Variants in DLC1 observed in about 807,000 individuals in gnomAD.
The protein encoded by DLC1 is DLC1 Rho GTPase activating protein.
Under a neutral mutation model 140.3 loss-of-function variants are expected in DLC1, and 54 were observed. The observed-to-expected ratio is 0.38, with a 90% confidence interval of 0.31 to 0.48. The LOEUF is 0.48. Ranked by LOEUF, DLC1 falls within the 20% of genes least tolerant of loss-of-function variation. The probability of loss-of-function intolerance (pLI) is 0.96; values close to 1 mark genes in which losing one functional copy is unlikely to be tolerated. For missense variants in DLC1, 2,536 were observed against 1,907.0 expected (o/e 1.33, Z -6.14); for synonymous variants, 986 against 728.1 (o/e 1.35, Z -5.70).
intron 5 of DLC1, among the ~76,000 whole-genome samples, chr8:13,282,361 A>G (rs1831392776): frequency 6.6e-6 from 1 of 152,214 alleles, no homozygotes; most frequent in Non-Finnish European, 1.5e-5. Flanking sequence ...TGGAAAAAGG[A>G]AAGAGGATGT....
intron 1 of DLC1, among the ~76,000 whole-genome samples, chr8:13,512,025 T>A (rs963300043): frequency 7.9e-5 from 12 of 152,218 alleles, no homozygotes; most frequent in Non-Finnish European, 1.3e-4. Flanking sequence ...TTCTTTTTTT[T>A]AAATTATAAT....
rs1039006183 is a variant in DLC1, at chr8:13,083,967, G to T, written c.*1844C>A. 6.6e-6 allele frequency: 1 copy of T among 152,512 alleles called. No individual in the cohort carries two copies. The highest frequency in any genetic ancestry group is 1.9e-4 in the East Asian group (1 of 5,190). 9.4% of individuals were successfully genotyped at this position (152,512 alleles called of 1,614,324 possible). Reference sequence around the variant, plus strand: ...ATAGTGCACTTATTGATTATAATCTGTACAGATATAGAGCAAGTTATAAAC... The same window carrying T: ...ATAGTGCACTTATTGATTATAATCTTTACAGATATAGAGCAAGTTATAAAC... On this transcript the variant is annotated 3_prime_UTR_variant, in exon 18 of 18. Transcript: ENST00000276297.
At chr8:13,230,786 G>A (rs1324130796) in intron 5 of DLC1, among the ~76,000 whole-genome samples, 1 of 151,730 alleles carries the variant, frequency 6.6e-6, no homozygotes, top group African/African-American at 2.4e-5. Context: ...TAGTAGAGAT[G>A]GGGTTTCACT....
Position 13,234,072 on chromosome 8 carries a change from G to A in DLC1, c.1348+71197C>T, listed in dbSNP as rs562471698. ...ACTATCTAGTGTCTTGTTGACTATG[G>A]AGGCTATTCAGTAGGCCAATGACAA... is the stretch of plus-strand genomic sequence containing the variant. On this transcript the variant is annotated intron_variant, in intron 5 of 17. Coordinates refer to ENST00000276297, the MANE Select transcript of DLC1 (RefSeq NM_182643.3). Among the ~76,000 whole-genome samples, 32 of 152,204 alleles carry A rather than the reference G, an allele frequency of 2.1e-4. No individual in the cohort carries two copies. The South Asian group carries it at 6.4e-3, about 31-fold the overall frequency.
At chr8:13,198,255 C>T (rs115919754) in intron 5 of DLC1, among the ~76,000 whole-genome samples, 1 of 152,078 alleles carries the variant, frequency 6.6e-6, no homozygotes, top group Non-Finnish European at 1.5e-5. Flanking sequence ...GATAACAGGA[C>T]AAAGAGAGGA....
chr8:13,191,971 T>C (rs1398098207), intron 5 of DLC1, among the ~76,000 whole-genome samples: 1 of 150,674 alleles, frequency 6.6e-6, no homozygotes, highest in African/African-American at 2.4e-5. Flanking sequence ...TTATGGAGTC[T>C]TGCTCTGTTG....
At chr8:13,194,277 C>G (rs1489670888) in intron 5 of DLC1, among the ~76,000 whole-genome samples, 1 of 152,238 alleles carries the variant, frequency 6.6e-6, no homozygotes, top group East Asian at 1.9e-4. Context: ...CTTCCAAGGC[C>G]CTTATGCCAA....
chr8:13,417,165 T>C (rs1436182025), intron 2 of DLC1, among the ~76,000 whole-genome samples: 2 of 152,086 alleles, frequency 1.3e-5, no homozygotes, highest in African/African-American at 4.8e-5. Context: ...AAGAGAAAAA[T>C]GAGGGAACAA....
At chr8:13,338,027 G>GCA (rs1833880092) in intron 4 of DLC1, among the ~76,000 whole-genome samples, 1 of 152,160 alleles carries the variant, frequency 6.6e-6, no homozygotes, top group East Asian at 1.9e-4. Flanking sequence ...TATAGCTAGA[G>GCA]GAACTTAATA....
At chr8:13,586,088 G>T (rs544612719) in intron 1 of DLC1, among the ~76,000 whole-genome samples, 1 of 152,100 alleles carries the variant, frequency 6.6e-6, no homozygotes, top group South Asian at 2.1e-4. Context: ...ATATACTGAT[G>T]ACCAGGCCCT....
chr8:13,427,384 C>T (rs1468975892), intron 2 of DLC1, among the ~76,000 whole-genome samples: 1 of 152,170 alleles, frequency 6.6e-6, no homozygotes, highest in Admixed American at 6.5e-5. Context: ...TAGTCTCCAC[C>T]CATTTCTCCT....
At chr8:13,318,806 C>T (rs1184012795) in intron 4 of DLC1, among the ~76,000 whole-genome samples, 2 of 152,174 alleles carry the variant, frequency 1.3e-5, no homozygotes, top group South Asian at 2.1e-4. Flanking sequence ...GCCGGCTGAA[C>T]CTTCCCTCTC....
chr8:13,356,951 A>C (rs921227923), intron 4 of DLC1, among the ~76,000 whole-genome samples: 1 of 152,054 alleles, frequency 6.6e-6, no homozygotes, highest in Non-Finnish European at 1.5e-5. Flanking sequence ...AGGATTTACA[A>C]GTACGAGTTC....
At chr8:13,578,587 C>T (rs1434333402) in intron 1 of DLC1, among the ~76,000 whole-genome samples, 1 of 152,300 alleles carries the variant, frequency 6.6e-6, no homozygotes, top group Non-Finnish European at 1.5e-5. Flanking sequence ...TCTGACTGAC[C>T]TGCTATAAAT....
intron 5 of DLC1, among the ~76,000 whole-genome samples, chr8:13,168,650 A>G (rs183848781): frequency 7.2e-5 from 11 of 152,350 alleles, no homozygotes; most frequent in Admixed American, 2.6e-4. Flanking sequence ...AACTGTCTCT[A>G]GTCCAGATAA....
At chr8:13,161,033 A>G (rs113010041) in intron 5 of DLC1, among the ~76,000 whole-genome samples, 12,757 of 152,284 alleles carry the variant, frequency 0.084, 785 homozygotes, top group Admixed American at 0.17. Context: ...GTGAGCCGAG[A>G]TCGCGCCACT....
At chr8:13,159,140 C>T (rs1824495331) in intron 5 of DLC1, among the ~76,000 whole-genome samples, 2 of 152,124 alleles carry the variant, frequency 1.3e-5, no homozygotes, top group African/African-American at 4.8e-5. Context: ...GGACTGATTT[C>T]CCTTTTAGGC....
chr8:13,243,995 A>C (rs1276378944), intron 5 of DLC1, among the ~76,000 whole-genome samples: 1 of 152,160 alleles, frequency 6.6e-6, no homozygotes, highest in Non-Finnish European at 1.5e-5. Flanking sequence ...TTCTCTTAGG[A>C]AATTCCTCAC....
At chr8:13,205,953 C>A (rs1399324751) in intron 5 of DLC1, among the ~76,000 whole-genome samples, 1 of 152,126 alleles carries the variant, frequency 6.6e-6, no homozygotes, top group Non-Finnish European at 1.5e-5. Context: ...CCACCTTCTC[C>A]CCCATGGAAG....
Sources: gnomAD v4.1 joint callset for allele counts (sites outside exome capture counted in the v4.1 genomes callset) on GRCh38, gnomAD v4.1.1 for gene constraint, MANE v1.5 for transcripts, NCBI Gene and HGNC (gene_info 2026-07-23, HGNC 2026-07-21) for gene names.